Variants in ERICH6 observed in about 807,000 individuals in gnomAD.
ERICH6 encodes glutamate rich 6, also known as glutamate-rich protein 6.
In ERICH6, 71 loss-of-function variants were observed where a neutral mutation model predicts 71.0. That is an observed-to-expected ratio of 1.00 (90% CI 0.83 to 1.22). The LOEUF (loss-of-function observed/expected upper bound fraction) is 1.22, where lower values mean the gene tolerates loss of function less well. Ranked by LOEUF, ERICH6 falls within the 50% of genes most tolerant of loss-of-function variation. ERICH6 has a pLI of 0.00. For missense variants in ERICH6, 808 were observed against 797.2 expected (o/e 1.01, Z -0.16); for synonymous variants, 262 against 278.4 (o/e 0.94, Z 0.59).
chr3:150,703,619 C>A lies in ERICH6; in HGVS notation c.280G>T (p.Val94Leu). 2.5e-6 allele frequency: 4 copies of A among 1,614,004 alleles called. No homozygotes were observed. Among genetic ancestry groups the A allele is most frequent in the Non-Finnish European group, 3.4e-6 (4 of 1,179,996 alleles). ...ACGATGCTGGCTAAGCGGGGGCGCA[C>A]GTCTGGGAAGTCGTCGTCGTAGTCA... ...IGDYDDDFPD[V>L]RPRLASIVSP... The change falls in exon 1 of 14, where the codon GTG becomes TTG. Residue 94 changes from valine (V) to leucine (L), a missense_variant. Coordinates refer to ENST00000295910, the MANE Select transcript of ERICH6 (RefSeq NM_152394.5).
intron 13 of ERICH6, among the ~76,000 whole-genome samples, chr3:150,662,957 A>C (rs72616689): frequency 0.11 from 16,208 of 152,206 alleles, 1,360 homozygotes; most frequent in East Asian, 0.46. Context: ...CAAAAAGGCC[A>C]GTATGGCTGG....
At position 150,685,710 on chromosome 3, in the gene ERICH6, G is replaced by A. The variant is rs758204861; in HGVS notation, c.783+32C>T. 17 of 1,480,784 alleles carry A rather than the reference G, an allele frequency of 1.1e-5. No homozygotes were observed. The East Asian group carries it at 3.9e-4, about 34-fold the overall frequency. The allele number at this position is 1,480,784 out of a possible 1,614,324, so 91.7% of individuals were successfully genotyped here. On this transcript the variant is annotated intron_variant, in intron 6 of 13. Transcript: ENST00000295910. ...ATGTTTTCTTATGTCATTTTTTTAA[G>A]AGTAATAATAAGAAACATGAATTAA...
chr3:150,677,700 T>A (rs574134643), intron 10 of ERICH6, among the ~76,000 whole-genome samples: 3 of 152,222 alleles, frequency 2.0e-5, no homozygotes, highest in Admixed American at 2.0e-4. Flanking sequence ...TTTTGTCTTG[T>A]TGTCCAGGCT....
At chr3:150,664,601 C>T (rs1283029338) in intron 13 of ERICH6, among the ~76,000 whole-genome samples, 1 of 151,036 alleles carries the variant, frequency 6.6e-6, no homozygotes. Context: ...GAGCCAAGAT[C>T]ACTCCACTGC....
At chr3:150,696,236 T>G (rs1576562679) in intron 3 of ERICH6, among the ~76,000 whole-genome samples, 2 of 119,058 alleles carry the variant, frequency 1.7e-5, no homozygotes, top group Admixed American at 1.9e-4. Flanking sequence ...AGGAGTAGTA[T>G]AGAGACAAAA....
At chr3:150,662,243 G>A (rs16862792) in intron 13 of ERICH6, among the ~76,000 whole-genome samples, 20,682 of 152,182 alleles carry the variant, frequency 0.14, 1,482 homozygotes, top group Non-Finnish European at 0.16. Flanking sequence ...TGGCCCTGGC[G>A]AAAGGTACAA....
intron 3 of ERICH6, among the ~76,000 whole-genome samples, chr3:150,695,373 C>T (rs191988981): frequency 1.4e-4 from 21 of 152,180 alleles, no homozygotes; most frequent in African/African-American, 2.9e-4. Context: ...AGATTCTCGC[C>T]GGCTGTAGTG....
At chr3:150,682,121 T>C in intron 7 of ERICH6, 97 bp downstream of exon 7, 1 of 1,097,990 alleles carries the variant, frequency 9.1e-7, no homozygotes, top group Non-Finnish European at 1.3e-6. Flanking sequence ...GGCCTAACTC[T>C]TTTAAAAATG....
At chr3:150,660,294 G>A (rs565351428) in intron 13 of ERICH6, 139 bp from the exon 14 acceptor site, 52 of 941,918 alleles carry the variant, frequency 5.5e-5, no homozygotes, top group South Asian at 2.7e-4. Context: ...AAGCAGGGGC[G>A]GTGGTGTTAT....
chr3:150,681,018 C>A, intron 7 of ERICH6, 88 bp from the exon 8 acceptor site: 1 of 1,367,558 alleles, frequency 7.3e-7, no homozygotes, highest in Non-Finnish European at 9.8e-7. Context: ...GTTTGGATAA[C>A]AATCCATCAT....
chr3:150,680,600 C>T, intron 8 of ERICH6, 62 bp from the exon 9 acceptor site: 5 of 1,596,022 alleles, frequency 3.1e-6, no homozygotes, highest in Non-Finnish European at 4.3e-6. Context: ...AAACAGTCTA[C>T]TACAAAATTC....
Position 150,703,548 on chromosome 3 carries a change from G to A in ERICH6, c.351C>T (p.Thr117=). 6.2e-7 allele frequency: 1 copy of A among 1,612,672 alleles called. No individual in the cohort carries two copies. Among genetic ancestry groups the A allele is most frequent in the Non-Finnish European group, 8.5e-7 (1 of 1,179,440 alleles). ...GGCTTGCGCTCGGCGTTTCAGTGCT[G>A]GTCGCGCTCTGGCTGGGCACGAACG... ...TSTFVPSQSA[T]STETPSASPP... The change falls in exon 1 of 14, where the codon ACC becomes ACT. Residue 117 remains threonine, a synonymous_variant. Coordinates refer to ENST00000295910, the MANE Select transcript of ERICH6 (RefSeq NM_152394.5).
In ERICH6 at chr3:150,678,516, C is replaced by T. The variant is rs374414297; in HGVS notation, c.1150G>A (p.Val384Met). 1 of 1,602,202 alleles carries T rather than the reference C, an allele frequency of 6.2e-7. No individual in the cohort carries two copies. Among genetic ancestry groups the T allele is most frequent in the African/African-American group, 1.3e-5 (1 of 74,154 alleles). ...RLKTISYQLS[V>M]DIPEKQIIDD... is the part of the protein sequence containing the mutation. ...ATTATCTGTTTTTCTGGAATATCCACAGAAAGTTGATAAGAAATTGTTTTT... is the reference window on the plus strand; with the variant it reads ...ATTATCTGTTTTTCTGGAATATCCATAGAAAGTTGATAAGAAATTGTTTTT... Residue 384 changes from valine to methionine, a missense_variant, in exon 10 of 14, where the codon GTG becomes ATG. Val to Met is a conservative substitution (Grantham distance 21, BLOSUM62 1). This residue lies in a region of ERICH6 where 736 missense variants were observed against 712.2 expected (regional missense o/e 1.03). Transcript: ENST00000295910.
At chr3:150,688,372 A>T (rs1559918445) in intron 3 of ERICH6, among the ~76,000 whole-genome samples, 1 of 152,242 alleles carries the variant, frequency 6.6e-6, no homozygotes, top group Admixed American at 6.5e-5. Flanking sequence ...TATGTCTAGC[A>T]TTACATAAGT....
At chr3:150,664,099 T>C (rs1288045070) in intron 13 of ERICH6, among the ~76,000 whole-genome samples, 1 of 151,612 alleles carries the variant, frequency 6.6e-6, no homozygotes, top group Non-Finnish European at 1.5e-5. Flanking sequence ...GCCTGTGAGG[T>C]ACAGGGAAAA....
At chr3:150,674,090 T>G (rs1711562351) in intron 10 of ERICH6, 49 bp from the exon 11 acceptor site, 1 of 1,499,632 alleles carries the variant, frequency 6.7e-7, no homozygotes. Flanking sequence ...GGACATAAAG[T>G]AGTAAGTACG....
intron 9 of ERICH6, among the ~76,000 whole-genome samples, chr3:150,679,229 T>C (rs1711798723): frequency 6.6e-6 from 1 of 152,060 alleles, no homozygotes; most frequent in African/African-American, 2.4e-5. Flanking sequence ...TTTATTTATT[T>C]TTATTTTATT....
chr3:150,660,189 A>G (rs1473695393), intron 13 of ERICH6, 34 bp from the exon 14 acceptor site: 10 of 1,598,424 alleles, frequency 6.3e-6, no homozygotes. Context: ...GGAAACTCAG[A>G]GTCCAGAAGT....
In ERICH6 at chr3:150,680,470, T is replaced by A. The variant is rs1249297013; in HGVS notation, c.1109A>T (p.Asp370Val). 1 of 1,614,136 alleles carries A rather than the reference T, an allele frequency of 6.2e-7. No homozygotes were observed. Among genetic ancestry groups the A allele is most frequent in the Non-Finnish European group, 8.5e-7 (1 of 1,179,950 alleles). Residue 370 changes from aspartate (D) to valine (V), a missense_variant and splice_region_variant, in exon 9 of 14, where the codon GAT (aspartate) becomes GTT (valine). Physicochemically the swap from Asp to Val is radical, Grantham distance 152 (BLOSUM62 -3). This residue lies in a region of ERICH6 where 736 missense variants were observed against 712.2 expected (regional missense o/e 1.03). Transcript: ENST00000295910. ...ISREQTHFSEDDSKRLKTISY... is the reference protein window; with the variant it reads ...ISREQTHFSEVDSKRLKTISY... Reference sequence around the variant, plus strand: ...AAGATCAGCACTAATGAACTCACCATCTTCAGAGAAATGAGTCTGTTCCCT... The same window carrying A: ...AAGATCAGCACTAATGAACTCACCAACTTCAGAGAAATGAGTCTGTTCCCT...
Sources: gnomAD v4.1 joint callset for allele counts (sites outside exome capture counted in the v4.1 genomes callset) on GRCh38, gnomAD v4.1.1 for gene constraint, gnomAD v4.1.1 regional missense constraint, MANE v1.5 for transcripts, NCBI Gene and HGNC (gene_info 2026-07-23, HGNC 2026-07-21) for gene names.